RAPH1: variants seen among roughly 807,000 people sequenced by gnomAD.
RAPH1 encodes the protein ras-associated and pleckstrin homology domains-containing protein 1.
In RAPH1, 18 loss-of-function variants were observed where a neutral mutation model predicts 88.1. That is an observed-to-expected ratio of 0.20 (90% CI 0.14 to 0.30). The LOEUF is 0.30. Among genes scored for constraint, RAPH1 ranks in the 10% least tolerant of loss-of-function variants. RAPH1 has a pLI of 1.00. For missense variants in RAPH1, 1,448 were observed against 1,543.2 expected (o/e 0.94, Z 1.03); for synonymous variants, 587 against 559.0 (o/e 1.05, Z -0.71).
At chr2:203,456,431 CAA>C (rs370448276) in intron 8 of RAPH1, among the ~76,000 whole-genome samples, 9 of 152,144 alleles carry the variant, frequency 5.9e-5, no homozygotes, top group African/African-American at 2.2e-4. Flanking sequence ...GACTCTAAGA[CAA>C]AGAGGGCATT....
chr2:203,462,753 C>T (rs1332063737), intron 4 of RAPH1, among the ~76,000 whole-genome samples: 1 of 152,106 alleles, frequency 6.6e-6, no homozygotes, highest in Non-Finnish European at 1.5e-5. Context: ...ATATAGTACT[C>T]TAATGCTGGT....
intron 4 of RAPH1, among the ~76,000 whole-genome samples, chr2:203,473,113 CAT>C (rs150556885): frequency 0.025 from 3,738 of 152,160 alleles, 171 homozygotes; most frequent in African/African-American, 0.086. Context: ...AAACAACAAA[CAT>C]GTGGAAACCC....
chr2:203,512,057 G>A (rs1689363208), intron 1 of RAPH1, among the ~76,000 whole-genome samples: 1 of 152,022 alleles, frequency 6.6e-6, no homozygotes, highest in African/African-American at 2.4e-5. Flanking sequence ...AGGTTGCAGA[G>A]AGCCGAGATC....
rs922286730 is a variant in RAPH1 at position 203,445,089 on chromosome 2, C to T, written c.1634-79G>A. The T allele has an allele frequency of 9.8e-6, 13 of 1,330,064 alleles. No homozygotes were observed. The African/African-American group carries it at 1.9e-4, about 19-fold the overall frequency. The allele number at this position is 1,330,064 out of a possible 1,614,324, so 82.4% of individuals were successfully genotyped here. ...TATTCATATGTATGTCTAGTTAGAT[C>T]TTTTACACAAGGTCAAGTGCTGTGT... On this transcript the variant is annotated intron_variant, in intron 12 of 13. Transcript: ENST00000319170.
intron 1 of RAPH1, among the ~76,000 whole-genome samples, chr2:203,518,311 T>C (rs886087185): frequency 1.3e-5 from 2 of 151,418 alleles, no homozygotes; most frequent in Non-Finnish European, 2.9e-5. Context: ...AGGTCGGGAG[T>C]TTGAGACCAG....
At chr2:203,484,064 C>G (rs548218556) in intron 4 of RAPH1, among the ~76,000 whole-genome samples, 30 of 152,276 alleles carry the variant, frequency 2.0e-4, no homozygotes, top group Admixed American at 1.9e-3. Flanking sequence ...TAAATCCCCA[C>G]TCATATCCTA....
intron 1 of RAPH1, among the ~76,000 whole-genome samples, chr2:203,502,187 C>T (rs1331404171): frequency 6.6e-6 from 1 of 152,204 alleles, no homozygotes; most frequent in East Asian, 1.9e-4. Flanking sequence ...TCAGAGTGAG[C>T]TGACACCTGG....
intron 1 of RAPH1, among the ~76,000 whole-genome samples, chr2:203,496,188 G>A (rs954481294): frequency 9.9e-5 from 15 of 151,860 alleles, no homozygotes; most frequent in African/African-American, 2.7e-4. Context: ...GCAAAACCCC[G>A]TCTCTACTAA....
chr2:203,451,798 G>A (rs991153295), intron 10 of RAPH1, among the ~76,000 whole-genome samples: 1 of 152,208 alleles, frequency 6.6e-6, no homozygotes, highest in Non-Finnish European at 1.5e-5. Context: ...CCCACAGGGT[G>A]TGAATTCTGA....
At chr2:203,445,641 CTCTT>C (rs1162521218) in intron 12 of RAPH1, 4 of 152,360 alleles carry the variant, frequency 2.6e-5, no homozygotes, top group Non-Finnish European at 5.9e-5. Context: ...CATACAGTGT[CTCTT>C]TGCCGCCTGA....
chr2:203,509,227 CA>C (rs1359087888), intron 1 of RAPH1, among the ~76,000 whole-genome samples: 2 of 151,982 alleles, frequency 1.3e-5, no homozygotes, highest in African/African-American at 4.8e-5. Context: ...CACACCACCA[CA>C]CCTGACTAAT....
chr2:203,436,471 T>G lies in RAPH1; in HGVS notation c.*2966A>C, dbSNP rs537609820. The G allele has an allele frequency of 2.0e-5, 3 of 152,280 alleles. No individual in the cohort carries two copies. In the East Asian group the frequency reaches 5.8e-4, roughly 29 times the overall value. 9.4% of individuals were successfully genotyped at this position (152,280 alleles called of 1,614,324 possible). On this transcript the variant is annotated 3_prime_UTR_variant, in exon 14 of 14. Coordinates refer to ENST00000319170, the MANE Select transcript of RAPH1 (RefSeq NM_213589.3). ...CCAATACAGAATATCTAATAAACCATAAGTTATTTTACTGAGAATAGATTC... is the reference window on the plus strand; with the variant it reads ...CCAATACAGAATATCTAATAAACCAGAAGTTATTTTACTGAGAATAGATTC...
At chr2:203,515,001 C>A (rs1689531490) in intron 1 of RAPH1, among the ~76,000 whole-genome samples, 1 of 152,168 alleles carries the variant, frequency 6.6e-6, no homozygotes, top group Admixed American at 6.5e-5. Context: ...TGTGGTTTTG[C>A]ATTCCCAATC....
intron 1 of RAPH1, among the ~76,000 whole-genome samples, chr2:203,514,758 G>A (rs759564046): frequency 6.6e-6 from 1 of 151,984 alleles, no homozygotes; most frequent in Non-Finnish European, 1.5e-5. Flanking sequence ...GTTTCACCGT[G>A]TTAGCCAGGA....
chr2:203,506,826 A>ATATATCTATATCTATATC (rs1186383818), intron 1 of RAPH1, among the ~76,000 whole-genome samples: 2 of 24,220 alleles, frequency 8.3e-5, no homozygotes, highest in Non-Finnish European at 1.7e-4. Context: ...ATATCTATAT[A>ATATATCTATATCTATATC]TATATCTATA....
intron 8 of RAPH1, among the ~76,000 whole-genome samples, chr2:203,456,279 G>C (rs2098519490): frequency 6.6e-6 from 1 of 152,176 alleles, no homozygotes; most frequent in South Asian, 2.1e-4. Flanking sequence ...TAATAAAACT[G>C]TCAGGGCAAA....
At chr2:203,464,006 T>G (rs1268985457) in intron 4 of RAPH1, among the ~76,000 whole-genome samples, 8 of 152,190 alleles carry the variant, frequency 5.3e-5, no homozygotes. Flanking sequence ...TTCCAGCAGT[T>G]TTTATGAAAT....
chr2:203,458,329 C>T (rs1196919166), intron 7 of RAPH1, among the ~76,000 whole-genome samples: 1 of 152,082 alleles, frequency 6.6e-6, no homozygotes, highest in African/African-American at 2.4e-5. Flanking sequence ...GCCACTGACT[C>T]CAGCCTGGGC....
At chr2:203,523,887 C>T (rs1201471829) in intron 1 of RAPH1, among the ~76,000 whole-genome samples, 3 of 152,058 alleles carry the variant, frequency 2.0e-5, no homozygotes, top group Non-Finnish European at 2.9e-5. Context: ...GCCTGTAGTC[C>T]CAGCTACTCG....
Sources: allele counts gnomAD v4.1 joint callset (sites outside exome capture counted in the v4.1 genomes callset), GRCh38; gene constraint gnomAD v4.1.1; transcripts MANE v1.5; gene names NCBI Gene and HGNC (gene_info 2026-07-23, HGNC 2026-07-21).